LOC122539214: variants seen among roughly 807,000 people sequenced by gnomAD.
chr19:52,690,487 G>C, the LOC122539214 span: 5 of 185,748 alleles, frequency 2.7e-5, no homozygotes, highest in African/African-American at 1.2e-4. Context: ...TTCCAGATTT[G>C]CGAGAATCTG....
At chr19:52,659,810 T>C in the LOC122539214 span, among the ~76,000 whole-genome samples, 12 of 151,960 alleles carry the variant, frequency 7.9e-5, no homozygotes, top group Admixed American at 7.9e-4. Context: ...AATAAAACTG[T>C]CAAAATTCAG....
the LOC122539214 span, chr19:52,654,189 C>A: frequency 1.9e-6 from 3 of 1,599,614 alleles, no homozygotes; most frequent in East Asian, 2.2e-5. Context: ...TACTACCAGT[C>A]AACTTTTTGA....
At chr19:52,684,266 TG>T in the LOC122539214 span, among the ~76,000 whole-genome samples, 1 of 152,028 alleles carries the variant, frequency 6.6e-6, no homozygotes, top group Non-Finnish European at 1.5e-5. Context: ...CTCGGGAGGC[TG>T]AGGCAGGAGA....
chr19:52,653,961 G>A, the LOC122539214 span: 2 of 1,289,190 alleles, frequency 1.6e-6, no homozygotes, highest in South Asian at 2.5e-5. Flanking sequence ...AATGGAGAAA[G>A]TTCTTCCCAT....
the LOC122539214 span, among the ~76,000 whole-genome samples, chr19:52,679,243 G>C: frequency 1.5e-4 from 23 of 152,206 alleles, no homozygotes; most frequent in Admixed American, 5.2e-4. Flanking sequence ...CTGCTGCTTA[G>C]AGAAGACGAT....
the LOC122539214 span, among the ~76,000 whole-genome samples, chr19:52,668,881 A>C: frequency 1.3e-5 from 2 of 151,894 alleles, no homozygotes; most frequent in Admixed American, 6.5e-5. Context: ...AAGTTATGCC[A>C]AGCTCTCTCT....
the LOC122539214 span, chr19:52,655,468 T>A: frequency 8.5e-7 from 1 of 1,180,754 alleles, no homozygotes; most frequent in Non-Finnish European, 1.2e-6. Flanking sequence ...CAAAAGCATG[T>A]ATGCGGCAAA....
At chr19:52,673,360 G>A in the LOC122539214 span, among the ~76,000 whole-genome samples, 414 of 152,094 alleles carry the variant, frequency 2.7e-3, 3 homozygotes, top group Non-Finnish European at 4.1e-3. Context: ...AAAATTAGCC[G>A]AGGGTGATGG....
the LOC122539214 span, among the ~76,000 whole-genome samples, chr19:52,658,369 C>T: frequency 3.4e-4 from 52 of 152,054 alleles, no homozygotes; most frequent in Middle Eastern, 3.2e-3. Flanking sequence ...AGTTCATGAC[C>T]GGCCTGGCCA....
the LOC122539214 span, among the ~76,000 whole-genome samples, chr19:52,686,479 TATAA>T: frequency 1.7e-5 from 2 of 116,744 alleles, no homozygotes; most frequent in Admixed American, 8.5e-5. Context: ...TATATATATA[TATAA>T]ATAAATGAGA....
the LOC122539214 span, chr19:52,653,419 A>C: frequency 1.2e-6 from 1 of 844,838 alleles, no homozygotes; most frequent in Non-Finnish European, 2.0e-6. Context: ...TTCAGTATGA[A>C]CTCTGTTATG....
the LOC122539214 span, among the ~76,000 whole-genome samples, chr19:52,661,419 T>G: frequency 3.9e-5 from 6 of 152,072 alleles, no homozygotes; most frequent in Admixed American, 3.9e-4. Context: ...CCAAACCCCA[T>G]GCAGAGCACA....
At chr19:52,688,264 G>A in the LOC122539214 span, among the ~76,000 whole-genome samples, 6 of 151,866 alleles carry the variant, frequency 4.0e-5, no homozygotes, top group East Asian at 2.0e-4. Context: ...TGGACCTCCC[G>A]AGCTCAAGTG....
At chr19:52,683,528 A>ACCATCACTCTG in the LOC122539214 span, among the ~76,000 whole-genome samples, 1 of 82,688 alleles carries the variant, frequency 1.2e-5, no homozygotes, top group Non-Finnish European at 2.3e-5. Context: ...ATCCAAAGGG[A>ACCATCACTCTG]AGGGCAAAGT....
chr19:52,678,473 A>G, the LOC122539214 span, among the ~76,000 whole-genome samples: 1 of 149,232 alleles, frequency 6.7e-6, no homozygotes, highest in Non-Finnish European at 1.5e-5. Context: ...AAGAAAAAAG[A>G]AAAAAAAACT....
chr19:52,659,613 C>CAAAAAAAAAAAAAAA, the LOC122539214 span, among the ~76,000 whole-genome samples: 1 of 114,278 alleles, frequency 8.8e-6, no homozygotes, highest in African/African-American at 3.2e-5. Context: ...GACTCCAACT[C>CAAAAAAAAAAAAAAA]AAAAAAAAAA....
At chr19:52,657,993 G>A in the LOC122539214 span, among the ~76,000 whole-genome samples, 7 of 151,646 alleles carry the variant, frequency 4.6e-5, no homozygotes, top group Admixed American at 3.3e-4. Context: ...AAAATTAGCC[G>A]GGTATGGTGA....
At chr19:52,680,773 C>T in the LOC122539214 span, among the ~76,000 whole-genome samples, 9 of 145,778 alleles carry the variant, frequency 6.2e-5, no homozygotes, top group Non-Finnish European at 1.2e-4. Context: ...CCACTACGCC[C>T]GGCTAATTTT....
the LOC122539214 span, among the ~76,000 whole-genome samples, chr19:52,667,893 C>T: frequency 6.6e-6 from 1 of 152,102 alleles, no homozygotes; most frequent in African/African-American, 2.4e-5. Flanking sequence ...TGTAGCTTAT[C>T]TGGTATAAAA....
Sources: gnomAD v4.1 joint callset for allele counts (sites outside exome capture counted in the v4.1 genomes callset) on GRCh38, gnomAD v4.1.1 for gene constraint, MANE v1.5 for transcripts.